RNF212: variants seen among roughly 807,000 people sequenced by gnomAD.
The protein encoded by RNF212 is probable E3 SUMO-protein ligase RNF212.
RNF212 carries 33 observed loss-of-function variants against 34.7 expected under a neutral mutation model. The observed-to-expected ratio is 0.95, with a 90% CI of 0.72 to 1.27. The LOEUF is 1.27. RNF212 is among the 50% of genes most tolerant of loss of function. The probability of loss-of-function intolerance (pLI) is 0.00; values close to 1 mark genes in which losing one functional copy is unlikely to be tolerated. For synonymous variants in RNF212, 140 were observed against 136.1 expected, an observed-to-expected ratio of 1.03 and a Z score of -0.20; for missense variants, 377 against 362.2, an observed-to-expected ratio of 1.04 and a Z score of -0.33.
At chr4:1,081,509 G>C (rs1171894736) in intron 6 of RNF212, 42 bp from the exon 7 acceptor site, 1 of 1,608,304 alleles carries the variant, frequency 6.2e-7, no homozygotes. Context: ...AGTGCACACA[G>C]TGTGACTCAG....
chr4:1,085,993 T>A, intron 4 of RNF212, 39 bp from the exon 5 acceptor site: 1 of 1,406,658 alleles, frequency 7.1e-7, no homozygotes, highest in Non-Finnish European at 1.0e-6. Flanking sequence ...TCAGACAGGC[T>A]ATGCTGAGTG....
Position 1,108,457 on chromosome 4 carries a change from A to C in RNF212, c.110-53T>G, listed in dbSNP as rs1725159688. On this transcript the variant is annotated intron_variant, in intron 1 of 9. Transcript: ENST00000433731. ...ATTAGACTGACTACTACTTTTAAAT[A>C]TGTATACATGCAGACTTTACAATGT... 6.8e-6 allele frequency: 6 copies of C among 884,082 alleles called. No homozygotes were observed. The South Asian group carries it at 1.3e-4, about 19-fold the overall frequency. The allele number at this position is 884,082 out of a possible 1,614,324, so 54.8% of individuals were successfully genotyped here.
intron 3 of RNF212, among the ~76,000 whole-genome samples, chr4:1,060,892 G>A (rs1259509530): frequency 6.6e-6 from 1 of 152,332 alleles, no homozygotes; most frequent in Non-Finnish European, 1.5e-5. Context: ...AGGACCTGCC[G>A]TTCAACAACT....
intron 3 of RNF212, among the ~76,000 whole-genome samples, chr4:1,065,328 CATTT>C (rs1244382205): frequency 6.6e-6 from 1 of 152,190 alleles, no homozygotes; most frequent in Non-Finnish European, 1.5e-5. Context: ...TTACAATAAA[CATTT>C]ATTTAAAGGA....
intron 9 of RNF212, 138 bp downstream of exon 9, chr4:1,073,461 T>C (rs2290409): frequency 0.64 from 479,125 of 750,264 alleles, 157,283 homozygotes; most frequent in Middle Eastern, 0.69. Context: ...TTGGTGAATA[T>C]GTAGCCTCCC....
intron 2 of RNF212, among the ~76,000 whole-genome samples, chr4:1,099,549 C>T (rs369382296): frequency 6.6e-6 from 1 of 152,204 alleles, no homozygotes; most frequent in South Asian, 2.1e-4. Context: ...CTGAGGCCCT[C>T]GCATCATCAA....
chr4:1,093,346 C>A, intron 3 of RNF212: 3 of 1,098,996 alleles, frequency 2.7e-6, no homozygotes, highest in Non-Finnish European at 2.4e-6. Context: ...TTAAAAATAA[C>A]AATAAATCCA....
rs747706799 is a variant in RNF212, at chr4:1,073,609, A to G, written c.564T>C (p.Asp188=). The G allele has an allele frequency of 2.5e-6, 4 of 1,608,552 alleles. No homozygotes were observed. The highest frequency in any genetic ancestry group is 2.2e-5 in the East Asian group (1 of 44,872). Residue 188 remains aspartate (D), a synonymous_variant, in exon 9 of 10, where the codon GAT becomes GAC. Coordinates refer to ENST00000433731, the MANE Select transcript of RNF212 (RefSeq NM_001131034.4). ...ARISMISPPQ[D]GRMGPHLTAS... ...GGACATTTTACTTACCCATTCGTCCATCTTGAGGTGGACTAATCATGGAGA... is the reference window on the plus strand; with the variant it reads ...GGACATTTTACTTACCCATTCGTCCGTCTTGAGGTGGACTAATCATGGAGA...
chr4:1,067,798 G>A (rs1718185909), downstream of RNF212, among the ~76,000 whole-genome samples: 1 of 151,732 alleles, frequency 6.6e-6, no homozygotes, highest in South Asian at 2.1e-4. Flanking sequence ...AACCCAGGAG[G>A]TGGAGGTTGC....
chr4:1,073,821 C>T, intron 8 of RNF212, 159 bp from the exon 9 acceptor site: 1 of 637,606 alleles, frequency 1.6e-6, no homozygotes, highest in East Asian at 2.7e-5. Context: ...CTGTGTTCAC[C>T]TCCCGACTCT....
At chr4:1,113,233 C>T (rs1293871790) in intron 1 of RNF212, 123 bp downstream of exon 1, 1 of 99,434 alleles carries the variant, frequency 1.0e-5, no homozygotes, top group Admixed American at 2.2e-4. Flanking sequence ...CACGCGCCCT[C>T]TCTCCTCCGC....
chr4:1,108,429 T>G, intron 1 of RNF212, 25 bp from the exon 2 acceptor site: 1 of 1,241,726 alleles, frequency 8.1e-7, no homozygotes, highest in Non-Finnish European at 1.1e-6. Context: ...TAGGCTTTAT[T>G]ATATTAGACT....
At chr4:1,082,718 G>A (rs143624209) in intron 5 of RNF212, among the ~76,000 whole-genome samples, 3 of 152,318 alleles carry the variant, frequency 2.0e-5, no homozygotes, top group Admixed American at 6.5e-5. Flanking sequence ...CCCAGAGGAC[G>A]GGCACTGGGC....
chr4:1,113,295 A>G (rs1577866448), intron 1 of RNF212, 61 bp downstream of exon 1: 6 of 107,772 alleles, frequency 5.6e-5, no homozygotes, highest in South Asian at 1.5e-4. Context: ...CATCCCCCGG[A>G]GTTCCCTGAC....
Position 1,072,462 on chromosome 4 carries a change from G to C in RNF212, c.*412C>G. On this transcript the variant is annotated 3_prime_UTR_variant, in exon 10 of 10. Coordinates refer to ENST00000433731, the MANE Select transcript of RNF212 (RefSeq NM_001131034.4). ...CAGTTTTAACACATGGACTGCTCTGGTGGAGGATGAGGATGATGGGGGAGC... is the reference window on the plus strand; with the variant it reads ...CAGTTTTAACACATGGACTGCTCTGCTGGAGGATGAGGATGATGGGGGAGC... 2 of 182,658 alleles carry C rather than the reference G, an allele frequency of 1.1e-5. No individual in the cohort carries two copies. The highest frequency in any genetic ancestry group is 2.4e-4 in the South Asian group (2 of 8,348). The allele number at this position is 182,658 out of a possible 1,614,324, so 11.3% of individuals were successfully genotyped here. A position where few individuals can be genotyped will look rare whatever the true frequency, so the allele number is the denominator to read the frequency against.
rs889950914 is a variant in RNF212, at chr4:1,093,968, G to A, written c.246+2797C>T. The A allele has an allele frequency of 5.2e-6, 8 of 1,536,042 alleles. No individual in the cohort carries two copies. The African/African-American group carries it at 1.1e-4, about 21-fold the overall frequency. ...TCTGGGCACCTCCTTGGAGGATGTGGCTGGGCATAACTTGAGACGGCAACA... is the reference window on the plus strand; with the variant it reads ...TCTGGGCACCTCCTTGGAGGATGTGACTGGGCATAACTTGAGACGGCAACA... On this transcript the variant is annotated intron_variant, in intron 3 of 9. Transcript: ENST00000433731.
chr4:1,096,892 GC>G, intron 2 of RNF212, 53 bp from the exon 3 acceptor site: 7 of 1,353,056 alleles, frequency 5.2e-6, no homozygotes, highest in East Asian at 2.3e-5. Flanking sequence ...AACGCTTCTG[GC>G]CCCCAGTTAA....
chr4:1,103,346 A>G (rs754499821), intron 2 of RNF212, among the ~76,000 whole-genome samples: 1 of 152,236 alleles, frequency 6.6e-6, no homozygotes, highest in Non-Finnish European at 1.5e-5. Flanking sequence ...TCTTACAAAA[A>G]ATTTTCCAGA....
At position 1,073,008 on chromosome 4, in the gene RNF212, G is replaced by A. The variant is rs201543039; in HGVS notation, c.760C>T (p.Pro254Ser). 12 of 1,614,176 alleles carry A rather than the reference G, an allele frequency of 7.4e-6. No individual in the cohort carries two copies. The highest frequency in any genetic ancestry group is 9.3e-6 in the Non-Finnish European group (11 of 1,180,024). ...HGELTNSKTL[P>S]IYAEVQRAVL... ...GCCCTTTGTACCTCAGCATATATTGGAAGTGTTTTAGAGTTGGTGAGTTCC... is the reference window on the plus strand; with the variant it reads ...GCCCTTTGTACCTCAGCATATATTGAAAGTGTTTTAGAGTTGGTGAGTTCC... The change falls in exon 10 of 10, where the codon CCA becomes TCA. Residue 254 changes from proline to serine, a missense_variant. Physicochemically the swap from Pro to Ser is moderately conservative, Grantham distance 74. Coordinates refer to ENST00000433731, the MANE Select transcript of RNF212 (RefSeq NM_001131034.4).
Sources: gnomAD v4.1 joint callset for allele counts (sites outside exome capture counted in the v4.1 genomes callset) on GRCh38, gnomAD v4.1.1 for gene constraint, MANE v1.5 for transcripts, NCBI Gene and HGNC (gene_info 2026-07-23, HGNC 2026-07-21) for gene names.